CSPP1: variants seen among roughly 807,000 people sequenced by gnomAD.
CSPP1 encodes centrosome and spindle pole-associated protein 1.
Under a neutral mutation model 164.4 loss-of-function variants are expected in CSPP1, and 126 were observed. That is an observed-to-expected ratio of 0.77 (90% confidence interval 0.66 to 0.89). CSPP1 has a LOEUF of 0.89. CSPP1 is among the 40% of genes least tolerant of loss of function. CSPP1 has a pLI of 0.00. For synonymous variants in CSPP1, 472 were observed against 476.7 expected (o/e 0.99, Z 0.13); for missense variants, 1,395 against 1,449.8 (o/e 0.96, Z 0.61).
chr8:67,070,841 T>A (rs181000618), intron 1 of CSPP1, among the ~76,000 whole-genome samples: 2 of 151,776 alleles, frequency 1.3e-5, no homozygotes, highest in Admixed American at 6.6e-5. Flanking sequence ...CTTGATCTCC[T>A]GGGCTCAAGT....
Position 67,118,312 on chromosome 8 carries a change from G to A in CSPP1, c.1561G>A (p.Asp521Asn). 1 of 1,613,362 alleles carries A rather than the reference G, an allele frequency of 6.2e-7. No homozygotes were observed. Among genetic ancestry groups the A allele is most frequent in the Non-Finnish European group, 8.5e-7 (1 of 1,179,422 alleles). ...GGCTACTAACTATCGAACTCCTTAT[G>A]ATGATGCATACTATTTTTATGGGTC... ...PLATNYRTPY[D>N]DAYYFYGSRN... is the part of the protein sequence containing the mutation. Residue 521 changes from aspartate (D) to asparagine (N), a missense_variant, in exon 14 of 31, where the codon GAT becomes AAT. Physicochemically the swap from Asp to Asn is conservative, Grantham distance 23. Transcript: ENST00000678616.
chr8:67,175,534 C>T, intron 26 of CSPP1, 98 bp downstream of exon 26: 1 of 1,385,230 alleles, frequency 7.2e-7, no homozygotes, highest in South Asian at 1.2e-5. Flanking sequence ...AGGCATCCTC[C>T]TTTCACTGGC....
At chr8:67,094,119 GA>G (rs71249416) in intron 6 of CSPP1, among the ~76,000 whole-genome samples, 427 of 29,418 alleles carry the variant, frequency 0.015, 2 homozygotes, top group African/African-American at 0.065. Flanking sequence ...GACCTGGTCT[GA>G]AAAAAAAAAA....
chr8:67,195,118 C>A (rs1000508483), intron 30 of CSPP1, among the ~76,000 whole-genome samples: 2 of 152,072 alleles, frequency 1.3e-5, no homozygotes, highest in Admixed American at 6.6e-5. Context: ...GCTTAGAATC[C>A]CTCTGGTTGC....
chr8:67,083,730 T>C (rs1256242839), intron 3 of CSPP1: 1 of 151,658 alleles, frequency 6.6e-6, no homozygotes, highest in Non-Finnish European at 1.5e-5. Flanking sequence ...GATGGGCAGG[T>C]AGTGTGTTGG....
chr8:67,116,222 A>AT, intron 13 of CSPP1, 100 bp downstream of exon 13: 2 of 840,594 alleles, frequency 2.4e-6, no homozygotes, highest in Non-Finnish European at 3.9e-6. Flanking sequence ...TTCTTCAGAG[A>AT]TTTTGTACAG....
chr8:67,139,983 T>G (rs1205901978), intron 17 of CSPP1, among the ~76,000 whole-genome samples: 1 of 152,236 alleles, frequency 6.6e-6, no homozygotes, highest in Non-Finnish European at 1.5e-5. Context: ...CCCTAAAATT[T>G]AAAGTATAGT....
intron 4 of CSPP1, among the ~76,000 whole-genome samples, chr8:67,087,709 A>G (rs551935320): frequency 2.2e-4 from 33 of 152,318 alleles, no homozygotes; most frequent in African/African-American, 7.7e-4. Flanking sequence ...GAGAGTAGTA[A>G]GAAATAATGA....
chr8:67,163,932 T>C, intron 23 of CSPP1, 134 bp downstream of exon 23: 1 of 641,132 alleles, frequency 1.6e-6, no homozygotes, highest in Non-Finnish European at 2.7e-6. Flanking sequence ...TTCTCCAACT[T>C]TCCCCTGGGG....
At chr8:67,104,099 A>G (rs1389562684) in intron 8 of CSPP1, among the ~76,000 whole-genome samples, 1 of 152,146 alleles carries the variant, frequency 6.6e-6, no homozygotes, top group Admixed American at 6.5e-5. Context: ...AATCTATAGT[A>G]TACAGTGAAG....
Position 67,113,985 on chromosome 8 carries a change from A to G in CSPP1, c.1245+123A>G, listed in dbSNP as rs1817416965. ...GTAGACCAATTTGAACAGTAATAAA[A>G]TTAACTAAATTCAGTTCTCATAAAG... On this transcript the variant is annotated intron_variant, in intron 11 of 30. Transcript: ENST00000678616. 3 of 571,322 alleles carry G rather than the reference A, an allele frequency of 5.3e-6. No individual in the cohort carries two copies. The South Asian group carries it at 8.6e-5, about 16-fold the overall frequency. The allele number at this position is 571,322 out of a possible 1,614,324, so 35.4% of individuals were successfully genotyped here. A position where few individuals can be genotyped will look rare whatever the true frequency, so the allele number is the denominator to read the frequency against.
rs1738539322 is a variant in CSPP1 at position 67,179,722 on chromosome 8, T to A, written c.3157-141T>A. On this transcript the variant is annotated intron_variant, in intron 27 of 30. Coordinates refer to ENST00000678616, the MANE Select transcript of CSPP1 (RefSeq NM_001382391.1). ...AGGCTTTCCAGTATTTTCTGAGCAT[T>A]GGAATGTAGTCAGTCCTACCTCTAC... 9 of 589,384 alleles carry A rather than the reference T, an allele frequency of 1.5e-5. No homozygotes were observed. The South Asian group carries it at 1.7e-4, about 11-fold the overall frequency. 36.5% of individuals were successfully genotyped at this position (589,384 alleles called of 1,614,324 possible).
At chr8:67,141,751 G>GCCT (rs1823555269) in intron 17 of CSPP1, among the ~76,000 whole-genome samples, 1 of 152,174 alleles carries the variant, frequency 6.6e-6, no homozygotes, top group African/African-American at 2.4e-5. Flanking sequence ...CTGACCTGAG[G>GCCT]TGATCCATCC....
At chr8:67,158,406 C>T in intron 19 of CSPP1, 41 bp from the exon 20 acceptor site, 3 of 1,506,036 alleles carry the variant, frequency 2.0e-6, no homozygotes, top group Non-Finnish European at 1.8e-6. Flanking sequence ...TCTAACTTTT[C>T]AATAGTTTTA....
At chr8:67,115,700 A>T (rs1282048569) in intron 12 of CSPP1, among the ~76,000 whole-genome samples, 3 of 152,076 alleles carry the variant, frequency 2.0e-5, no homozygotes, top group Admixed American at 6.6e-5. Context: ...AATAAGATAG[A>T]TAGATAGATA....
chr8:67,070,251 A>G lies in CSPP1; in HGVS notation c.-10-3992A>G, dbSNP rs532551520. Among the ~76,000 whole-genome samples, 5 of 151,978 alleles carry G rather than the reference A, an allele frequency of 3.3e-5. No individual in the cohort carries two copies. In the South Asian group the frequency reaches 1.0e-3, roughly 32 times the overall value. ...GCCGAGGCAGGCGGATCACGAGGTC[A>G]GGAGATTGAGACCATCCTGGCTAAC... On this transcript the variant is annotated intron_variant, in intron 1 of 30. Coordinates refer to ENST00000678616, the MANE Select transcript of CSPP1 (RefSeq NM_001382391.1).
chr8:67,099,264 A>G (rs974108803), intron 7 of CSPP1: 4 of 152,094 alleles, frequency 2.6e-5, no homozygotes, highest in African/African-American at 9.7e-5. Context: ...TGGTAAGTGA[A>G]CTTATATATT....
Position 67,100,788 on chromosome 8 carries a change from A to AAT in CSPP1, c.924-2233_924-2232dup, listed in dbSNP as rs111484403. Among the ~76,000 whole-genome samples, 490 of 146,902 alleles carry AAT rather than the reference A, an allele frequency of 3.3e-3. 2 individuals carry two copies. Among genetic ancestry groups the AAT allele is most frequent in the Admixed American group, 0.017 (254 of 14,700 alleles). On this transcript the variant is annotated intron_variant, in intron 7 of 30. Transcript: ENST00000678616. ...AATAAAGATTTCTTTATTATTAAAGAATATATATATATATATAAATAAAGA... is the reference window on the plus strand; with the variant it reads ...AATAAAGATTTCTTTATTATTAAAGAATATATATATATATATATAAATAAAGA...
At chr8:67,078,520 A>G (rs1485519775) in intron 3 of CSPP1, among the ~76,000 whole-genome samples, 1 of 151,714 alleles carries the variant, frequency 6.6e-6, no homozygotes, top group East Asian at 2.0e-4. Flanking sequence ...ACTTTTTTTT[A>G]TATACATATA....
Sources: gnomAD v4.1 joint callset for allele counts (sites outside exome capture counted in the v4.1 genomes callset) on GRCh38, gnomAD v4.1.1 for gene constraint, MANE v1.5 for transcripts, NCBI Gene and HGNC (gene_info 2026-07-23, HGNC 2026-07-21) for gene names.